PCBP3: variants seen among roughly 807,000 people sequenced by gnomAD.
PCBP3 encodes poly(rC) binding protein 3.
In PCBP3, 25 loss-of-function variants were observed where a neutral mutation model predicts 52.7. The observed-to-expected ratio is 0.47, with a 90% CI of 0.35 to 0.66. PCBP3 has a LOEUF of 0.66. Among genes scored for constraint, PCBP3 ranks in the 30% least tolerant of loss-of-function variants. PCBP3 has a pLI of 0.01. For missense variants in PCBP3, 391 were observed against 490.3 expected (o/e 0.80, Z 1.91); for synonymous variants, 162 against 183.0 (o/e 0.89, Z 0.93).
intron 2 of PCBP3, among the ~76,000 whole-genome samples, chr21:45,679,553 CTTTAA>C (rs1353631043): frequency 6.6e-6 from 1 of 152,100 alleles, no homozygotes; most frequent in African/African-American, 2.4e-5. Context: ...ATGTGACTTG[CTTTAA>C]TTTAATATTT....
chr21:45,924,837 C>T (rs1436746366), intron 13 of PCBP3, among the ~76,000 whole-genome samples: 1 of 42,406 alleles, frequency 2.4e-5, no homozygotes, highest in Non-Finnish European at 4.4e-5. Flanking sequence ...CGGGAACAGT[C>T]GTGTGGGTAG....
chr21:45,648,888 A>G (rs2146769897), intron 1 of PCBP3, among the ~76,000 whole-genome samples: 1 of 152,310 alleles, frequency 6.6e-6, no homozygotes, highest in East Asian at 1.9e-4. Flanking sequence ...TTCTATTTGT[A>G]TCCTGTTCTT....
chr21:45,645,299 G>A lies in PCBP3; in HGVS notation c.-279+1431G>A, dbSNP rs1264810841. Among the ~76,000 whole-genome samples the A allele has an allele frequency of 4.6e-5, 7 of 152,150 alleles. No individual in the cohort carries two copies. The East Asian group carries it at 1.4e-3, about 29-fold the overall frequency. ...TATACAGTGCAAGTTCATTACGAAT[G>A]GTTTAGAACTTACGTAGCTTCACGT... On this transcript the variant is annotated intron_variant, in intron 1 of 17. Transcript: ENST00000681687.
chr21:45,730,858 T>A (rs987945862), intron 2 of PCBP3, among the ~76,000 whole-genome samples: 55 of 152,150 alleles, frequency 3.6e-4, no homozygotes, highest in African/African-American at 1.3e-3. Flanking sequence ...CTTTTTTTTA[T>A]TAGAGTTAAC....
intron 5 of PCBP3, among the ~76,000 whole-genome samples, chr21:45,877,619 C>T (rs552523787): frequency 1.3e-5 from 2 of 152,254 alleles, no homozygotes; most frequent in South Asian, 4.1e-4. Flanking sequence ...GCCTGGCCAA[C>T]GTGATGAAAC....
intron 3 of PCBP3, among the ~76,000 whole-genome samples, 60 bp from the exon 4 acceptor site, chr21:45,755,357 A>G (rs1254423109): frequency 6.6e-6 from 1 of 152,186 alleles, no homozygotes; most frequent in East Asian, 1.9e-4. Flanking sequence ...TTATGAATAA[A>G]TCTGCTATAA....
At chr21:45,691,653 T>C (rs2082489551) in intron 2 of PCBP3, among the ~76,000 whole-genome samples, 2 of 151,936 alleles carry the variant, frequency 1.3e-5, no homozygotes, top group South Asian at 4.1e-4. Flanking sequence ...AAAAACTGTA[T>C]TTCTAAAATG....
At chr21:45,658,463 A>G (rs2080167524) in intron 1 of PCBP3, among the ~76,000 whole-genome samples, 1 of 151,922 alleles carries the variant, frequency 6.6e-6, no homozygotes, top group Admixed American at 6.6e-5. Flanking sequence ...GCCACCATGC[A>G]TGGCTAATTT....
chr21:45,859,166 T>G (rs1165012650), intron 5 of PCBP3, among the ~76,000 whole-genome samples: 1 of 152,206 alleles, frequency 6.6e-6, no homozygotes, highest in African/African-American at 2.4e-5. Context: ...ACTCCTTTGC[T>G]GGTGTCACCG....
chr21:45,913,685 A>G (rs1024551802), intron 11 of PCBP3, among the ~76,000 whole-genome samples: 1 of 152,198 alleles, frequency 6.6e-6, no homozygotes, highest in Non-Finnish European at 1.5e-5. Context: ...CGGTACTCTC[A>G]GGAGGCCGGT....
chr21:45,820,510 G>A (rs929332942), intron 4 of PCBP3, among the ~76,000 whole-genome samples: 2 of 152,196 alleles, frequency 1.3e-5, no homozygotes, highest in South Asian at 2.1e-4. Context: ...TGGGTTCTGC[G>A]GGCCACACGG....
intron 4 of PCBP3, among the ~76,000 whole-genome samples, chr21:45,764,914 G>A (rs2089149385): frequency 6.6e-6 from 1 of 152,312 alleles, no homozygotes; most frequent in South Asian, 2.1e-4. Flanking sequence ...AAGGGGGGAG[G>A]TCTGGGAGTT....
At chr21:45,747,594 G>A (rs746240207) in intron 3 of PCBP3, among the ~76,000 whole-genome samples, 2 of 152,262 alleles carry the variant, frequency 1.3e-5, no homozygotes, top group Non-Finnish European at 2.9e-5. Context: ...CCCAGAACCA[G>A]GAGGGCCAGG....
At chr21:45,790,649 G>A (rs907342910) in intron 4 of PCBP3, among the ~76,000 whole-genome samples, 1 of 152,114 alleles carries the variant, frequency 6.6e-6, no homozygotes, top group African/African-American at 2.4e-5. Context: ...AGCCTAAGTG[G>A]CCAGCGAGGG....
intron 4 of PCBP3, among the ~76,000 whole-genome samples, chr21:45,779,344 G>A (rs1603419659): frequency 6.6e-6 from 1 of 152,134 alleles, no homozygotes; most frequent in East Asian, 1.9e-4. Flanking sequence ...GTGGGGATGT[G>A]GGCCACTGGA....
intron 2 of PCBP3, among the ~76,000 whole-genome samples, chr21:45,688,492 G>C (rs1024536976): frequency 6.6e-6 from 1 of 152,110 alleles, no homozygotes; most frequent in African/African-American, 2.4e-5. Context: ...ACGTAGAAGT[G>C]TACAGATGTC....
intron 16 of PCBP3, 170 bp downstream of exon 16, chr21:45,935,475 T>TC (rs755851053): frequency 3.3e-5 from 23 of 700,036 alleles, no homozygotes; most frequent in Middle Eastern, 4.6e-4. Context: ...AAAGTGGGTT[T>TC]AATGCCCATA....
rs147903926 is a variant in PCBP3, at chr21:45,908,855, G to A, written c.340-500G>A. On this transcript the variant is annotated intron_variant, in intron 9 of 17. Coordinates refer to ENST00000681687, the MANE Select transcript of PCBP3 (RefSeq NM_001384156.1). ...CCGCCCCCCACCTCAGCCTTCTCCC[G>A]CTTCTACATTAACCACACATCTCCT... Among the ~76,000 whole-genome samples, 180 of 152,186 alleles carry A rather than the reference G, an allele frequency of 1.2e-3. No individual in the cohort carries two copies. The Middle Eastern group carries it at 0.02, about 17-fold the overall frequency.
At chr21:45,650,781 A>G (rs924952646) in intron 1 of PCBP3, among the ~76,000 whole-genome samples, 7 of 152,166 alleles carry the variant, frequency 4.6e-5, no homozygotes, top group Non-Finnish European at 1.0e-4. Context: ...CGATTCTTAA[A>G]TGGTCTGGAT....
Sources: gnomAD v4.1 joint callset for allele counts (sites outside exome capture counted in the v4.1 genomes callset) on GRCh38, gnomAD v4.1.1 for gene constraint, MANE v1.5 for transcripts, NCBI Gene and HGNC (gene_info 2026-07-23, HGNC 2026-07-21) for gene names.